CRAMP1: variants seen among roughly 807,000 people sequenced by gnomAD.
CRAMP1 encodes cramped chromatin regulator 1, also known as protein cramped-like.
In CRAMP1, 50 loss-of-function variants were observed where a neutral mutation model predicts 115.4. That is an observed-to-expected ratio of 0.43 (90% CI 0.35 to 0.55). The LOEUF (loss-of-function observed/expected upper bound fraction) is 0.55, where lower values mean the gene tolerates loss of function less well. Among genes scored for constraint, CRAMP1 ranks in the 20% least tolerant of loss-of-function variants. The pLI is 0.01. For synonymous variants in CRAMP1, 866 were observed against 745.4 expected (o/e 1.16, Z -2.64); for missense variants, 1,679 against 1,721.7 (o/e 0.98, Z 0.44).
At position 1,626,803 on chromosome 16, in the gene CRAMP1, T is replaced by G. The variant is rs118159104; in HGVS notation, c.540+637T>G. On this transcript the variant is annotated intron_variant, in intron 3 of 20. Coordinates refer to ENST00000397412, the MANE Select transcript of CRAMP1 (RefSeq NM_020825.4). ...GTTTCATAGCTCTTTTGCTCTGTATTTTTTTTTAACGCCTGTAAATATTCT... is the reference window on the plus strand; with the variant it reads ...GTTTCATAGCTCTTTTGCTCTGTATGTTTTTTTAACGCCTGTAAATATTCT... Among the ~76,000 whole-genome samples, 1,400 of 151,810 alleles carry G rather than the reference T, an allele frequency of 9.2e-3. 10 individuals are homozygous for G. The highest frequency in any genetic ancestry group is 0.014 in the South Asian group (68 of 4,820).
rs543892084 is a variant in CRAMP1 at position 1,642,139 on chromosome 16, G to A, written c.827+952G>A. ...CCCGATCCTTGTGGGTATGCCACCCGCACCCAAGAGCCCTGCCCTTGCAGC... is the reference window on the plus strand; with the variant it reads ...CCCGATCCTTGTGGGTATGCCACCCACACCCAAGAGCCCTGCCCTTGCAGC... On this transcript the variant is annotated intron_variant, in intron 6 of 20. Transcript: ENST00000397412. Among the ~76,000 whole-genome samples the A allele has an allele frequency of 7.2e-5, 11 of 152,302 alleles. No homozygotes were observed. The East Asian group carries it at 1.4e-3, about 19-fold the overall frequency.
At chr16:1,657,623 G>A (rs1379321483) in intron 10 of CRAMP1, among the ~76,000 whole-genome samples, 1 of 152,214 alleles carries the variant, frequency 6.6e-6, no homozygotes, top group African/African-American at 2.4e-5. Flanking sequence ...AGTGGAGCTG[G>A]GGACCAGACA....
At chr16:1,639,714 CCAAT>C (rs2036616258) in intron 5 of CRAMP1, among the ~76,000 whole-genome samples, 2 of 152,102 alleles carry the variant, frequency 1.3e-5, no homozygotes, top group Non-Finnish European at 2.9e-5. Context: ...CTTTCTGCAA[CCAAT>C]CAGAGATACT....
At chr16:1,641,903 G>GT (rs1456563552) in intron 6 of CRAMP1, among the ~76,000 whole-genome samples, 1 of 145,988 alleles carries the variant, frequency 6.8e-6, no homozygotes, top group African/African-American at 2.7e-5. Flanking sequence ...CTGGAGCCTG[G>GT]GGGGGGGTCC....
rs760480142 is a variant in CRAMP1 at position 1,672,968 on chromosome 16, G to A, written c.3646-913G>A. Among the ~76,000 whole-genome samples, 1 of 152,214 alleles carries A rather than the reference G, an allele frequency of 6.6e-6. No homozygotes were observed. The highest frequency in any genetic ancestry group is 1.5e-5 in the Non-Finnish European group (1 of 68,032). ...CTTTAAAAAGGAACGTACTCCCCAT[G>A]TGTCCTCATGTCTCTGACGGGAACG... On this transcript the variant is annotated intron_variant, in intron 20 of 20. Coordinates refer to ENST00000397412, the MANE Select transcript of CRAMP1 (RefSeq NM_020825.4). This position sits in a 1 kb window ranked among gnomAD's most constrained non-coding sequence, Gnocchi z 4.9.
At chr16:1,641,907 G>A (rs2036635989) in intron 6 of CRAMP1, among the ~76,000 whole-genome samples, 1 of 151,586 alleles carries the variant, frequency 6.6e-6, no homozygotes, top group East Asian at 1.9e-4. Context: ...AGCCTGGGGG[G>A]GGGTCCCCGT....
rs1289755082 is a variant in CRAMP1, at chr16:1,625,924, G to T, written c.347-49G>T. ...TCCCACCGGCCCTCTACCCTGCCCA[G>T]CCCGCCAGCTTTCTGGAACAGATCA... On this transcript the variant is annotated intron_variant, in intron 2 of 20. Transcript: ENST00000397412. 4 of 1,541,570 alleles carry T rather than the reference G, an allele frequency of 2.6e-6. No homozygotes were observed. The Admixed American group carries it at 7.9e-5, about 30-fold the overall frequency.
chr16:1,636,668 T>C (rs1314106688), intron 4 of CRAMP1, among the ~76,000 whole-genome samples: 1 of 152,226 alleles, frequency 6.6e-6, no homozygotes, highest in East Asian at 1.9e-4. Context: ...GTGTTGTCAC[T>C]TGGTTTCCCT....
chr16:1,660,104 C>G (rs1480761830), intron 11 of CRAMP1, 41 bp downstream of exon 11: 2 of 1,454,160 alleles, frequency 1.4e-6, no homozygotes, highest in Admixed American at 5.3e-5. Context: ...CTGGGCTGCC[C>G]TGATGGCACC....
rs181377630 is a variant in CRAMP1, at chr16:1,639,777, A to G, written c.779-1362A>G. Among the ~76,000 whole-genome samples, 6 of 152,276 alleles carry G rather than the reference A, an allele frequency of 3.9e-5. No homozygotes were observed. The East Asian group carries it at 9.7e-4, about 25-fold the overall frequency. On this transcript the variant is annotated intron_variant, in intron 5 of 20. Transcript: ENST00000397412. ...GAAAGAAGGGGAGGGGGCGTTGCAA[A>G]GGGAATAGCGTGTCTGGTCCGTTTG...
intron 1 of CRAMP1, among the ~76,000 whole-genome samples, chr16:1,612,893 G>C (rs1193368651): frequency 6.6e-6 from 1 of 152,034 alleles, no homozygotes; most frequent in African/African-American, 2.4e-5. Flanking sequence ...GGAGGTTCTC[G>C]CGAAAAGGAG....
rs6600160 is a variant in CRAMP1, at chr16:1,672,384, C to G, written c.3646-1497C>G. Among the ~76,000 whole-genome samples the G allele has an allele frequency of 0.12, 18,360 of 151,824 alleles. 1,366 individuals are homozygous for G. The highest frequency in any genetic ancestry group is 0.21 in the East Asian group (1,103 of 5,146). ...CTCCACTCAGAACGTGAGTATGTTTCTCAGCAGGTCCTCGTCATCTGGAAG... is the reference window on the plus strand; with the variant it reads ...CTCCACTCAGAACGTGAGTATGTTTGTCAGCAGGTCCTCGTCATCTGGAAG... On this transcript the variant is annotated intron_variant, in intron 20 of 20. Transcript: ENST00000397412. This position sits in a 1 kb window ranked among gnomAD's most constrained non-coding sequence, Gnocchi z 4.9.
intron 2 of CRAMP1, among the ~76,000 whole-genome samples, chr16:1,624,566 G>A (rs1052340160): frequency 2.6e-5 from 4 of 151,626 alleles, no homozygotes; most frequent in Non-Finnish European, 5.9e-5. Flanking sequence ...CTACAGGCGT[G>A]CACCACCACA....
chr16:1,620,634 C>T (rs777931700), intron 2 of CRAMP1: 1 of 457,222 alleles, frequency 2.2e-6, no homozygotes, highest in Non-Finnish European at 4.4e-6. Context: ...CCTCTCACGT[C>T]CAGACAGACA....
rs1240189083 is a variant in CRAMP1 at position 1,612,432 on chromosome 16, G to A, written c.-227G>A. The A allele has an allele frequency of 6.6e-6, 1 of 151,312 alleles. No individual in the cohort carries two copies. The highest frequency in any genetic ancestry group is 6.6e-5 in the Admixed American group (1 of 15,180). The allele number at this position is 151,312 out of a possible 1,614,324, so 9.4% of individuals were successfully genotyped here. A position where few individuals can be genotyped will look rare whatever the true frequency, so the allele number is the denominator to read the frequency against. On this transcript the variant is annotated 5_prime_UTR_variant, in exon 1 of 21. Transcript: ENST00000397412. ...GGCCGGCTTCGCTAGGGTGAGTGGC[G>A]GCAGTATCTGCGTCCGCAGCCCCCG...
intron 4 of CRAMP1, among the ~76,000 whole-genome samples, chr16:1,637,065 G>C (rs184130649): frequency 4.1e-4 from 63 of 152,316 alleles, no homozygotes; most frequent in Admixed American, 5.9e-4. Flanking sequence ...GGTTGAGACA[G>C]GTAGATCATT....
chr16:1,626,611 G>A (rs1418636958), intron 3 of CRAMP1, among the ~76,000 whole-genome samples: 1 of 151,950 alleles, frequency 6.6e-6, no homozygotes, highest in Non-Finnish European at 1.5e-5. Flanking sequence ...GCTGACTTGG[G>A]ACAAAATGGA....
rs901281519 is a variant in CRAMP1 at position 1,614,576 on chromosome 16, G to C, written c.-1-63G>C. 22 of 1,038,198 alleles carry C rather than the reference G, an allele frequency of 2.1e-5. No homozygotes were observed. Among genetic ancestry groups the C allele is most frequent in the Non-Finnish European group, 2.6e-5 (21 of 816,664 alleles). 64.3% of individuals were successfully genotyped at this position (1,038,198 alleles called of 1,614,324 possible). A position where few individuals can be genotyped will look rare whatever the true frequency, so the allele number is the denominator to read the frequency against. On this transcript the variant is annotated intron_variant, in intron 1 of 20. Coordinates refer to ENST00000397412, the MANE Select transcript of CRAMP1 (RefSeq NM_020825.4). This position sits in a 1 kb window ranked among gnomAD's most constrained non-coding sequence, Gnocchi z 4.4. ...ACGGCGGCCATGTTGAGAGCGCGTCGGGGCCGCTAAACTTCCCGGCCTGCG... is the reference window on the plus strand; with the variant it reads ...ACGGCGGCCATGTTGAGAGCGCGTCCGGGCCGCTAAACTTCCCGGCCTGCG...
intron 2 of CRAMP1, chr16:1,620,596 CAG>C (rs1453869703): frequency 4.4e-6 from 2 of 456,306 alleles, no homozygotes; most frequent in Admixed American, 2.3e-5. Context: ...GAGATGATGA[CAG>C]GGTGTCACTG....
Sources: gnomAD v4.1 joint callset for allele counts (sites outside exome capture counted in the v4.1 genomes callset) on GRCh38, gnomAD v4.1.1 for gene constraint, Gnocchi (gnomAD v3.1) non-coding constraint, MANE v1.5 for transcripts, NCBI Gene and HGNC (gene_info 2026-07-23, HGNC 2026-07-21) for gene names.